Variants in PGBD2 observed in about 807,000 individuals in gnomAD.
The protein encoded by PGBD2 is piggyBac transposable element derived 2.
A neutral mutation model predicts 8.1 loss-of-function variants in PGBD2; 6 were observed. The observed-to-expected ratio is 0.74, with a 90% CI of 0.40 to 1.46. The LOEUF (loss-of-function observed/expected upper bound fraction) is 1.46, where lower values mean the gene tolerates loss of function less well. Ranked by LOEUF, PGBD2 falls within the 40% of genes most tolerant of loss-of-function variation. The pLI, the probability that PGBD2 is intolerant of heterozygous loss-of-function variation, is 0.02. For synonymous variants in PGBD2, 318 were observed against 272.2 expected (o/e 1.17, Z -1.66); for missense variants, 802 against 739.0 (o/e 1.09, Z -0.99).
At chr1:248,922,009 T>G (rs568532958), downstream of PGBD2, among the ~76,000 whole-genome samples, 67 of 152,310 alleles carry the variant, frequency 4.4e-4, 1 homozygote, top group Middle Eastern at 3.4e-3. Flanking sequence ...TGATGTTGCC[T>G]ATCAGCTTAA....
the PGBD2 span, among the ~76,000 whole-genome samples, chr1:248,885,200 T>A: frequency 6.6e-6 from 1 of 152,092 alleles, no homozygotes; most frequent in East Asian, 1.9e-4. Context: ...AGTGGCATAA[T>A]CATAGCTCAC....
At chr1:248,914,606 G>A (rs1662023811) in intron 2 of PGBD2, 3 of 1,288,128 alleles carry the variant, frequency 2.3e-6, no homozygotes, top group Non-Finnish European at 2.0e-6. Flanking sequence ...TCCTTCTGTT[G>A]GGATGGAGGG....
At chr1:248,873,851 G>C in the PGBD2 span, among the ~76,000 whole-genome samples, 1 of 152,204 alleles carries the variant, frequency 6.6e-6, no homozygotes, top group Non-Finnish European at 1.5e-5. Flanking sequence ...CTCTGCTTCC[G>C]AGTGTCAGGA....
chr1:248,922,245 G>A (rs1447467662), downstream of PGBD2, among the ~76,000 whole-genome samples: 1 of 151,986 alleles, frequency 6.6e-6, no homozygotes, highest in East Asian at 1.9e-4. Flanking sequence ...ATTTTTGGTA[G>A]AGACGGGGTT....
At chr1:248,927,547 G>C in the PGBD2 span, among the ~76,000 whole-genome samples, 11 of 152,174 alleles carry the variant, frequency 7.2e-5, no homozygotes, top group Admixed American at 6.5e-5. Flanking sequence ...CAATGACTCA[G>C]CTCTTCCATT....
At chr1:248,909,981 T>C (rs1661807915) in intron 1 of PGBD2, among the ~76,000 whole-genome samples, 1 of 152,212 alleles carries the variant, frequency 6.6e-6, no homozygotes, top group Non-Finnish European at 1.5e-5. Context: ...CATGCCCTAA[T>C]GGCTGGAGGC....
In PGBD2 at chr1:248,917,103, T is replaced by C; in HGVS notation, c.519T>C (p.Ser173=). The C allele has an allele frequency of 6.2e-7, 1 of 1,613,966 alleles. No homozygotes were observed. Among genetic ancestry groups the C allele is most frequent in the Non-Finnish European group, 8.5e-7 (1 of 1,179,990 alleles). Residue 173 remains serine (S), a synonymous_variant, in exon 3 of 3, where the codon AGT becomes AGC. Transcript: ENST00000329291. ...CTTGGCAGAAAAATGTCAATTTGAG[T>C]CTTACGGCTCAGGAATTGAAGTGTG... ...RYAWQKNVNL[S]LTAQELKCVL...
chr1:248,884,421 A>G, the PGBD2 span, among the ~76,000 whole-genome samples: 10 of 151,852 alleles, frequency 6.6e-5, no homozygotes, highest in Non-Finnish European at 1.5e-4. Context: ...GCTCATTGCA[A>G]CCTTCGCCTC....
chr1:248,923,831 CAGTG>C (rs1382504783), downstream of PGBD2, among the ~76,000 whole-genome samples: 3 of 152,204 alleles, frequency 2.0e-5, no homozygotes, highest in Non-Finnish European at 4.4e-5. Context: ...CAGCCCCACT[CAGTG>C]AGAATTCTGG....
the PGBD2 span, among the ~76,000 whole-genome samples, chr1:248,927,640 G>T: frequency 2.0e-5 from 3 of 152,178 alleles, no homozygotes; most frequent in African/African-American, 7.2e-5. Context: ...AACGCAGACT[G>T]TGTCAGACAT....
chr1:248,918,434 T>A lies in PGBD2; in HGVS notation c.*71T>A. ...TAAATACAGATGGCAGTTGAGCACT[T>A]CTGTTTTGTGTTGGAAAAAAGACCT... On this transcript the variant is annotated 3_prime_UTR_variant, in exon 3 of 3. Coordinates refer to ENST00000329291, the MANE Select transcript of PGBD2 (RefSeq NM_170725.3). The A allele has an allele frequency of 6.9e-7, 1 of 1,450,222 alleles. No homozygotes were observed. Among genetic ancestry groups the A allele is most frequent in the Non-Finnish European group, 9.2e-7 (1 of 1,083,998 alleles). The allele number at this position is 1,450,222 out of a possible 1,614,324, so 89.8% of individuals were successfully genotyped here. A position where few individuals can be genotyped will look rare whatever the true frequency, so the allele number is the denominator to read the frequency against.
At chr1:248,926,241 A>G in the PGBD2 span, among the ~76,000 whole-genome samples, 1 of 152,188 alleles carries the variant, frequency 6.6e-6, no homozygotes, top group Non-Finnish European at 1.5e-5. Context: ...CACCAACTTC[A>G]GAATATCTAG....
At chr1:248,892,934 T>C in the PGBD2 span, among the ~76,000 whole-genome samples, 1 of 152,350 alleles carries the variant, frequency 6.6e-6, no homozygotes, top group Non-Finnish European at 1.5e-5. Flanking sequence ...CAATTGTCTA[T>C]ATGCATTGTC....
At chr1:248,895,960 A>G in the PGBD2 span, among the ~76,000 whole-genome samples, 2 of 151,984 alleles carry the variant, frequency 1.3e-5, no homozygotes, top group African/African-American at 4.8e-5. Flanking sequence ...TGCTGGGATT[A>G]CAGGCATGAG....
At chr1:248,911,245 C>T (rs1371940403) in intron 1 of PGBD2, among the ~76,000 whole-genome samples, 2 of 151,102 alleles carry the variant, frequency 1.3e-5, no homozygotes, top group African/African-American at 4.9e-5. Flanking sequence ...TCTGGTTTTC[C>T]TAGGCAGAGG....
In PGBD2 at chr1:248,910,902, C is replaced by T. The variant is rs533718494; in HGVS notation, c.-47-2914C>T. 1.1e-4 allele frequency among the ~76,000 whole-genome samples: 16 copies of T among 152,146 alleles called. No homozygotes were observed. The East Asian group carries it at 2.5e-3, about 24-fold the overall frequency. Reference sequence around the variant, plus strand: ...TGACATGCAACAAACTGCGTATATTCGAAGTGTGTAATTTGATGAGTTTCG... The same window carrying T: ...TGACATGCAACAAACTGCGTATATTTGAAGTGTGTAATTTGATGAGTTTCG... On this transcript the variant is annotated intron_variant, in intron 1 of 2. Coordinates refer to ENST00000329291, the MANE Select transcript of PGBD2 (RefSeq NM_170725.3).
At chr1:248,882,404 C>T in the PGBD2 span, among the ~76,000 whole-genome samples, 2 of 152,030 alleles carry the variant, frequency 1.3e-5, no homozygotes, top group South Asian at 4.1e-4. Context: ...TCTAACAGAG[C>T]CTTAAAACAG....
chr1:248,919,746 C>T (rs1206269632), downstream of PGBD2: 2 of 166,736 alleles, frequency 1.2e-5, no homozygotes, highest in Non-Finnish European at 2.9e-5. Context: ...TCCTTGCCAG[C>T]ATTTGTTATT....
downstream of PGBD2, among the ~76,000 whole-genome samples, chr1:248,924,451 T>G (rs3889945): frequency 2.0e-3 from 309 of 152,330 alleles, 6 homozygotes; most frequent in East Asian, 0.054. Context: ...TTTTTCAAAA[T>G]GGAGAAATAC....
Sources: allele counts gnomAD v4.1 joint callset (sites outside exome capture counted in the v4.1 genomes callset), GRCh38; gene constraint gnomAD v4.1.1; transcripts MANE v1.5; gene names NCBI Gene and HGNC (gene_info 2026-07-23, HGNC 2026-07-21).